EXOC6B: variants seen among roughly 807,000 people sequenced by gnomAD.
EXOC6B encodes SEC15 homolog B.
In EXOC6B, 54 loss-of-function variants were observed where a neutral mutation model predicts 113.5. The ratio of observed to expected loss-of-function variants is 0.48; its 90% CI spans 0.38 to 0.60. The LOEUF is 0.60. EXOC6B is among the 20% of genes least tolerant of loss of function. EXOC6B has a pLI of 0.00. For synonymous variants in EXOC6B, 357 were observed against 339.0 expected, an observed-to-expected ratio of 1.05 and a Z score of -0.58; for missense variants, 797 against 977.5, an observed-to-expected ratio of 0.82 and a Z score of 2.46.
intron 20 of EXOC6B, among the ~76,000 whole-genome samples, chr2:72,292,590 T>C (rs1685870602): frequency 6.6e-6 from 1 of 152,048 alleles, no homozygotes; most frequent in Non-Finnish European, 1.5e-5. Context: ...GTTTATCACA[T>C]GTGTTGATTC....
intron 6 of EXOC6B, among the ~76,000 whole-genome samples, chr2:72,654,234 T>G (rs372921268): frequency 1.2e-4 from 18 of 152,310 alleles, no homozygotes; most frequent in African/African-American, 3.6e-4. Context: ...CCTCCCAAAG[T>G]GCTGGGATTA....
At chr2:72,415,790 T>C (rs573387598) in intron 18 of EXOC6B, among the ~76,000 whole-genome samples, 105 of 152,282 alleles carry the variant, frequency 6.9e-4, no homozygotes, top group African/African-American at 2.4e-3. Flanking sequence ...ATAGTATATA[T>C]GGAATAGTGC....
chr2:72,280,212 T>TA (rs1389483755), intron 20 of EXOC6B, among the ~76,000 whole-genome samples: 2 of 152,120 alleles, frequency 1.3e-5, no homozygotes, highest in Non-Finnish European at 2.9e-5. Flanking sequence ...ATTATCATAT[T>TA]CTTTTTTTGA....
intron 20 of EXOC6B, among the ~76,000 whole-genome samples, chr2:72,281,131 C>G (rs1193266320): frequency 1.3e-5 from 2 of 152,148 alleles, no homozygotes; most frequent in Non-Finnish European, 2.9e-5. Context: ...TTGGTATGAG[C>G]AAAATGTAGA....
At chr2:72,486,007 C>T (rs1054913939) in intron 16 of EXOC6B, among the ~76,000 whole-genome samples, 1 of 152,036 alleles carries the variant, frequency 6.6e-6, no homozygotes, top group Admixed American at 6.5e-5. Context: ...AAAATATAAC[C>T]AATTCTTTAG....
At chr2:72,532,733 A>C (rs1046015726) in intron 8 of EXOC6B, among the ~76,000 whole-genome samples, 1 of 152,028 alleles carries the variant, frequency 6.6e-6, no homozygotes, top group Non-Finnish European at 1.5e-5. Context: ...GCTTGGACCC[A>C]GGAGGCGGAG....
intron 20 of EXOC6B, among the ~76,000 whole-genome samples, chr2:72,233,771 A>C (rs569156918): frequency 6.6e-6 from 1 of 152,220 alleles, no homozygotes; most frequent in Non-Finnish European, 1.5e-5. Context: ...GTCCTGCTTC[A>C]GCACGACTTT....
At chr2:72,274,025 G>A (rs1051316968) in intron 20 of EXOC6B, among the ~76,000 whole-genome samples, 6 of 152,218 alleles carry the variant, frequency 3.9e-5, no homozygotes, top group South Asian at 2.1e-4. Flanking sequence ...AGAGTTCAGC[G>A]TTTGGAATGA....
rs376639198 is a variant in EXOC6B, at chr2:72,672,683, A to G, written c.669+45420T>C. 1.5e-4 allele frequency among the ~76,000 whole-genome samples: 23 copies of G among 152,338 alleles called. 2 individuals carry two copies. The highest frequency in any genetic ancestry group is 4.6e-4 in the African/African-American group (19 of 41,580). ...CATGGATAGAACCAAAGGTCATTAC[A>G]TTAAGTGAAATAAGCCAAGCACAAA... On this transcript the variant is annotated intron_variant, in intron 6 of 21. Transcript: ENST00000272427.
chr2:72,547,801 C>A (rs1440358049), intron 8 of EXOC6B, among the ~76,000 whole-genome samples: 2 of 152,126 alleles, frequency 1.3e-5, no homozygotes, highest in African/African-American at 4.8e-5. Flanking sequence ...ACATAGCCCA[C>A]CCGTCTTTAT....
chr2:72,374,657 T>C (rs757544758), intron 19 of EXOC6B, among the ~76,000 whole-genome samples: 17 of 151,828 alleles, frequency 1.1e-4, no homozygotes, highest in Non-Finnish European at 2.1e-4. Context: ...CAAAATAATT[T>C]AATGGTACAT....
intron 20 of EXOC6B, among the ~76,000 whole-genome samples, chr2:72,259,818 A>C (rs1012715294): frequency 7.3e-6 from 1 of 136,252 alleles, no homozygotes; most frequent in African/African-American, 3.6e-5. Flanking sequence ...TGGGAAGCTG[A>C]GGCAGACAGA....
intron 6 of EXOC6B, among the ~76,000 whole-genome samples, chr2:72,697,395 A>G (rs927339410): frequency 6.6e-6 from 1 of 152,050 alleles, no homozygotes; most frequent in Non-Finnish European, 1.5e-5. Flanking sequence ...AAAAAAAAGA[A>G]TCTCTTCAGG....
rs1472745131 is a variant in EXOC6B, at chr2:72,474,444, C to T, written c.1800+6172G>A. ...TATGATGCCCCGTATGTAATAAAGG[C>T]TTTGCTCATTCTTTTTTTAGTTGTT... On this transcript the variant is annotated intron_variant, in intron 17 of 21. Transcript: ENST00000272427. Among the ~76,000 whole-genome samples the T allele has an allele frequency of 2.0e-5, 3 of 151,864 alleles. No individual in the cohort carries two copies. The East Asian group carries it at 5.8e-4, about 29-fold the overall frequency.
At chr2:72,251,512 A>G (rs1683015785) in intron 20 of EXOC6B, among the ~76,000 whole-genome samples, 1 of 152,190 alleles carries the variant, frequency 6.6e-6, no homozygotes, top group Admixed American at 6.5e-5. Context: ...GGGTAGAACC[A>G]CTAAGAGGTT....
At chr2:72,735,528 C>T (rs1680891377) in intron 2 of EXOC6B, among the ~76,000 whole-genome samples, 1 of 152,094 alleles carries the variant, frequency 6.6e-6, no homozygotes, top group Non-Finnish European at 1.5e-5. Context: ...AAGATAATAA[C>T]TGTGGGCTAG....
intron 19 of EXOC6B, among the ~76,000 whole-genome samples, chr2:72,367,243 G>T (rs1572977763): frequency 6.6e-6 from 1 of 151,822 alleles, no homozygotes; most frequent in African/African-American, 2.4e-5. Flanking sequence ...CTGTGTTAAA[G>T]ATGTATATTG....
intron 20 of EXOC6B, among the ~76,000 whole-genome samples, chr2:72,294,250 C>T (rs567057581): frequency 6.6e-6 from 1 of 151,710 alleles, no homozygotes; most frequent in Non-Finnish European, 1.5e-5. Flanking sequence ...ATGGGGAGGC[C>T]TAAGAATTTA....
intron 1 of EXOC6B, among the ~76,000 whole-genome samples, chr2:72,762,900 A>G (rs1337812013): frequency 6.6e-6 from 1 of 152,138 alleles, no homozygotes; most frequent in Non-Finnish European, 1.5e-5. Flanking sequence ...TCAAAGATCA[A>G]TGGGTGAAAT....
Sources: allele counts gnomAD v4.1 joint callset (sites outside exome capture counted in the v4.1 genomes callset), GRCh38; gene constraint gnomAD v4.1.1; transcripts MANE v1.5; gene names NCBI Gene and HGNC (gene_info 2026-07-23, HGNC 2026-07-21).